ZFYVE9: variants seen among roughly 807,000 people sequenced by gnomAD.
ZFYVE9 encodes the protein zinc finger FYVE-type containing 9.
A neutral mutation model predicts 126.7 loss-of-function variants in ZFYVE9; 43 were observed. The ratio of observed to expected loss-of-function variants is 0.34; its 90% confidence interval spans 0.27 to 0.44. The LOEUF (loss-of-function observed/expected upper bound fraction) is 0.44, where lower values mean the gene tolerates loss of function less well. Ranked by LOEUF, ZFYVE9 falls within the 20% of genes least tolerant of loss-of-function variation. The pLI is 1.00. For missense variants in ZFYVE9, 1,476 were observed against 1,697.0 expected, an observed-to-expected ratio of 0.87 and a Z score of 2.29; for synonymous variants, 521 against 597.4, an observed-to-expected ratio of 0.87 and a Z score of 1.87.
intron 1 of ZFYVE9, among the ~76,000 whole-genome samples, chr1:52,155,513 C>T (rs1261212356): frequency 2.0e-5 from 3 of 152,144 alleles, no homozygotes; most frequent in African/African-American, 4.8e-5. Flanking sequence ...GGATTACAGG[C>T]GTGAGCCACC....
chr1:52,145,921 C>G (rs1032001134), intron 1 of ZFYVE9, among the ~76,000 whole-genome samples: 5 of 151,748 alleles, frequency 3.3e-5, no homozygotes, highest in African/African-American at 9.7e-5. Flanking sequence ...TTACATTGAT[C>G]TTTAATTTTA....
At chr1:52,253,578 C>A in intron 4 of ZFYVE9, 1 of 916,574 alleles carries the variant, frequency 1.1e-6, no homozygotes, top group Non-Finnish European at 1.8e-6. Context: ...TGCTGGAGAT[C>A]CTGAGAACCT....
intron 1 of ZFYVE9, among the ~76,000 whole-genome samples, chr1:52,155,599 C>T (rs945332276): frequency 6.6e-6 from 1 of 152,156 alleles, no homozygotes; most frequent in African/African-American, 2.4e-5. Context: ...TTTTGATTCT[C>T]TTCCTTGCTA....
chr1:52,260,292 T>A (rs921442322), intron 4 of ZFYVE9, among the ~76,000 whole-genome samples: 2 of 152,184 alleles, frequency 1.3e-5, no homozygotes, highest in Admixed American at 1.3e-4. Context: ...ACTATATCTG[T>A]TGGCCATTTT....
intron 1 of ZFYVE9, among the ~76,000 whole-genome samples, chr1:52,170,596 T>C (rs1299396798): frequency 6.6e-6 from 1 of 152,192 alleles, no homozygotes; most frequent in Non-Finnish European, 1.5e-5. Context: ...GGTTTTTCTT[T>C]TTTGATGTAG....
chr1:52,278,484 C>T lies in ZFYVE9; in HGVS notation c.2747-8C>T, dbSNP rs1645770269. ...ACCAATCTATTACATTGTTTTCTCC[C>T]CTTTCAGACTATGCTGTGGAAGAGA... On this transcript the variant is annotated splice_polypyrimidine_tract_variant and splice_region_variant and intron_variant, in intron 8 of 18. Coordinates refer to ENST00000287727, the MANE Select transcript of ZFYVE9 (RefSeq NM_004799.4). The T allele has an allele frequency of 1.2e-6, 2 of 1,613,952 alleles. No homozygotes were observed. Among genetic ancestry groups the T allele is most frequent in the African/African-American group, 1.3e-5 (1 of 75,002 alleles).
intron 12 of ZFYVE9, among the ~76,000 whole-genome samples, chr1:52,299,806 A>T (rs140507273): frequency 1.1e-3 from 170 of 152,334 alleles, no homozygotes; most frequent in African/African-American, 3.8e-3. Context: ...CCCAGGCAGG[A>T]TGAACTCTAG....
intron 8 of ZFYVE9, among the ~76,000 whole-genome samples, chr1:52,276,765 A>C (rs1005603276): frequency 2.0e-5 from 3 of 152,238 alleles, no homozygotes; most frequent in Non-Finnish European, 2.9e-5. Flanking sequence ...TTGCTTCATT[A>C]TCTCTGTTCT....
At chr1:52,278,433 G>A in intron 8 of ZFYVE9, 59 bp from the exon 9 acceptor site, 1 of 1,596,884 alleles carries the variant, frequency 6.3e-7, no homozygotes, top group South Asian at 1.1e-5. Flanking sequence ...TTCTCCATCT[G>A]ATCTCTTTCT....
intron 1 of ZFYVE9, among the ~76,000 whole-genome samples, chr1:52,155,234 CTTTTTTTTT>C (rs202048189): frequency 1.7e-3 from 219 of 129,114 alleles, no homozygotes; most frequent in Non-Finnish European, 2.9e-3. Flanking sequence ...TCTTTTTTTT[CTTTTTTTTT>C]TTTTTTTTTT....
intron 4 of ZFYVE9, 21 bp from the exon 5 acceptor site, chr1:52,263,752 T>TGGGGGGGGGG: frequency 2.1e-6 from 2 of 975,008 alleles, no homozygotes; most frequent in African/African-American, 3.2e-5. Flanking sequence ...TTGTGTGTTC[T>TGGGGGGGGGG]TCCCCCCCCC....
chr1:52,248,946 C>T (rs1184328000), intron 4 of ZFYVE9, among the ~76,000 whole-genome samples: 1 of 152,214 alleles, frequency 6.6e-6, no homozygotes, highest in Non-Finnish European at 1.5e-5. Flanking sequence ...ACCCAAATCT[C>T]ATCTCGAATT....
intron 2 of ZFYVE9, among the ~76,000 whole-genome samples, chr1:52,232,347 A>G (rs1557470276): frequency 6.6e-6 from 1 of 152,216 alleles, no homozygotes; most frequent in Non-Finnish European, 1.5e-5. Flanking sequence ...AGTCATTGAC[A>G]TACCTAGTGT....
intron 4 of ZFYVE9, among the ~76,000 whole-genome samples, chr1:52,247,616 C>T (rs1350800407): frequency 6.6e-6 from 1 of 152,164 alleles, no homozygotes; most frequent in Non-Finnish European, 1.5e-5. Flanking sequence ...CCTGCCTCAG[C>T]CTCCCGAGTA....
rs1009164413 is a variant in ZFYVE9 at position 52,274,499 on chromosome 1, G to C, written c.2661G>C (p.Gln887His). The change falls in exon 8 of 19, where the codon CAG becomes CAC. Residue 887 changes from glutamine (Q) to histidine (H), a missense_variant. By Grantham distance (24) the Gln-to-His change is conservative (BLOSUM62 0). Coordinates refer to ENST00000287727, the MANE Select transcript of ZFYVE9 (RefSeq NM_004799.4). ...DICLFSGSITQVGSPVGSAMN... is the reference protein window; with the variant it reads ...DICLFSGSITHVGSPVGSAMN... ...GTCTATTCTCTGGGAGTATAACTCA[G>C]GTTGGAAGTCCTGTTGGAAGTGCAA... The C allele has an allele frequency of 1.2e-6, 2 of 1,612,180 alleles. No homozygotes were observed. The highest frequency in any genetic ancestry group is 1.1e-5 in the South Asian group (1 of 90,824).
At chr1:52,150,926 A>G (rs1007970908) in intron 1 of ZFYVE9, among the ~76,000 whole-genome samples, 1 of 152,032 alleles carries the variant, frequency 6.6e-6, no homozygotes, top group Non-Finnish European at 1.5e-5. Context: ...AAACACTGCC[A>G]GTTTGAAACT....
chr1:52,339,576 C>G (rs922135444), intron 16 of ZFYVE9, among the ~76,000 whole-genome samples: 3 of 152,174 alleles, frequency 2.0e-5, no homozygotes, highest in Non-Finnish European at 2.9e-5. Context: ...CAGGCGTGAG[C>G]CACCATGCCC....
chr1:52,264,513 T>G (rs1235984307), intron 5 of ZFYVE9, among the ~76,000 whole-genome samples: 1 of 152,190 alleles, frequency 6.6e-6, no homozygotes, highest in African/African-American at 2.4e-5. Flanking sequence ...TGGAAATGAT[T>G]TTAAGGGCAT....
chr1:52,278,662 A>G (rs1181421657), intron 9 of ZFYVE9, 48 bp downstream of exon 9: 12 of 1,286,388 alleles, frequency 9.3e-6, no homozygotes, highest in South Asian at 7.5e-5. Flanking sequence ...TTACTGACTC[A>G]TAGTACATAA....
Sources: allele counts gnomAD v4.1 joint callset (sites outside exome capture counted in the v4.1 genomes callset), GRCh38; gene constraint gnomAD v4.1.1; transcripts MANE v1.5; gene names NCBI Gene and HGNC (gene_info 2026-07-23, HGNC 2026-07-21).